FAM90A20: variants seen among roughly 807,000 people sequenced by gnomAD.
FAM90A20 encodes protein FAM90A20.
chr8:7,297,613 G>T, the FAM90A20 span: 8 of 1,440,834 alleles, frequency 5.6e-6, 1 homozygote, highest in African/African-American at 4.2e-5. Flanking sequence ...TGGGGGCCCC[G>T]GAGAATCTCC....
the FAM90A20 span, chr8:7,296,408 C>A: frequency 1.4e-5 from 10 of 739,046 alleles, 2 homozygotes; most frequent in Non-Finnish European, 2.0e-5. Context: ...GTGAGTGTCA[C>A]CCCGGGCCCC....
chr8:7,295,573 G>T, the FAM90A20 span: 14 of 671,320 alleles, frequency 2.1e-5, 3 homozygotes, highest in East Asian at 3.6e-4. Flanking sequence ...ATGTTAACGT[G>T]GGATCGCTGC....
chr8:7,296,984 T>G, the FAM90A20 span: 2 of 1,246,096 alleles, frequency 1.6e-6, no homozygotes, highest in Non-Finnish European at 1.1e-6. Context: ...TGTGTGCACC[T>G]TGTCTTTGGA....
the FAM90A20 span, chr8:7,296,917 A>G: frequency 1.5e-6 from 1 of 679,762 alleles, no homozygotes; most frequent in Non-Finnish European, 2.5e-6. Flanking sequence ...ACTCAGGTGG[A>G]GGGTCTGTCC....
chr8:7,295,913 C>G, the FAM90A20 span: 1 of 590,612 alleles, frequency 1.7e-6, no homozygotes, highest in Non-Finnish European at 2.9e-6. Flanking sequence ...CACCGTGTGC[C>G]TTTCCGTCTC....
chr8:7,295,994 G>C, the FAM90A20 span, among the ~76,000 whole-genome samples: 1 of 128,506 alleles, frequency 7.8e-6, no homozygotes, highest in Non-Finnish European at 1.5e-5. Context: ...ACACCCAGGA[G>C]CTCCTTGGGC....
At chr8:7,297,786 A>C in the FAM90A20 span, 1 of 1,334,542 alleles carries the variant, frequency 7.5e-7, no homozygotes, top group Non-Finnish European at 1.0e-6. Flanking sequence ...GCGGCCAGCC[A>C]TGATGGGGCC....
the FAM90A20 span, chr8:7,296,140 G>A: frequency 1.7e-6 from 1 of 579,016 alleles, no homozygotes; most frequent in South Asian, 1.9e-5. Context: ...GGGAAGGTTG[G>A]CACGTGAGGG....
chr8:7,297,729 G>A, the FAM90A20 span: 141 of 1,495,344 alleles, frequency 9.4e-5, 15 homozygotes, highest in South Asian at 1.4e-3. Flanking sequence ...CCGCACCGCA[G>A]ACCTTGCCTG....
At chr8:7,296,848 C>T in the FAM90A20 span, among the ~76,000 whole-genome samples, 2 of 136,782 alleles carry the variant, frequency 1.5e-5, no homozygotes, top group East Asian at 2.0e-4. Context: ...CAATGGTGTG[C>T]TTAGATCAGC....
the FAM90A20 span, chr8:7,297,559 G>T: frequency 1.3e-6 from 2 of 1,517,442 alleles, no homozygotes; most frequent in Non-Finnish European, 1.8e-6. Flanking sequence ...AACCGAGACT[G>T]GGTCCCTTCC....
chr8:7,296,363 G>T, the FAM90A20 span: 1 of 747,858 alleles, frequency 1.3e-6, no homozygotes, highest in East Asian at 2.5e-5. Flanking sequence ...CTGCCGAATG[G>T]AAAAGGATCC....
chr8:7,297,808 A>C, the FAM90A20 span: 7 of 1,184,698 alleles, frequency 5.9e-6, 1 homozygote, highest in Non-Finnish European at 8.4e-6. Flanking sequence ...AGCCTCTCAG[A>C]GTGCTCTTCC....
the FAM90A20 span, chr8:7,297,182 C>G: frequency 3.2e-6 from 5 of 1,538,530 alleles, no homozygotes; most frequent in South Asian, 3.4e-5. Context: ...TTCACTGTCT[C>G]CCCTCAGAAA....
the FAM90A20 span, chr8:7,296,283 C>A: frequency 2.8e-6 from 2 of 726,420 alleles, no homozygotes; most frequent in South Asian, 2.8e-5. Flanking sequence ...TTTTTCTGTT[C>A]TGCAGGCAAC....
the FAM90A20 span, chr8:7,296,370 A>T: frequency 1.2e-5 from 9 of 744,398 alleles, 1 homozygote; most frequent in African/African-American, 9.9e-5. Flanking sequence ...ATGGAAAAGG[A>T]TCCACGGAAT....
chr8:7,297,330 A>T, the FAM90A20 span: 4 of 1,369,406 alleles, frequency 2.9e-6, no homozygotes, highest in South Asian at 4.6e-5. Flanking sequence ...AGCAGCCCTG[A>T]GGGTAGCTGC....
the FAM90A20 span, chr8:7,295,708 C>G: frequency 1.2e-6 from 1 of 821,762 alleles, no homozygotes; most frequent in Non-Finnish European, 2.0e-6. Context: ...GGAAGGCAGC[C>G]CTGGTTCCAG....
At chr8:7,296,931 C>A in the FAM90A20 span, 5 of 783,590 alleles carry the variant, frequency 6.4e-6, 1 homozygote, top group East Asian at 8.1e-5. Context: ...TCTGTCCCTA[C>A]TTCCAAGGAC....
Sources: allele counts gnomAD v4.1 joint callset (sites outside exome capture counted in the v4.1 genomes callset), GRCh38; gene constraint gnomAD v4.1.1; transcripts MANE v1.5; gene names NCBI Gene and HGNC (gene_info 2026-07-23, HGNC 2026-07-21).